Variants in CFAP221 observed in about 807,000 individuals in gnomAD.
CFAP221 encodes the protein cilia and flagella associated protein 221.
CFAP221 carries 97 observed loss-of-function variants against 113.1 expected under a neutral mutation model. The ratio of observed to expected loss-of-function variants is 0.86; its 90% CI spans 0.73 to 1.02. The LOEUF is 1.02. CFAP221 is among the 50% of genes least tolerant of loss of function. The probability of loss-of-function intolerance (pLI) is 0.00; values close to 1 mark genes in which losing one functional copy is unlikely to be tolerated. For missense variants in CFAP221, 1,025 were observed against 1,013.4 expected (o/e 1.01, Z -0.16); for synonymous variants, 331 against 354.4 (o/e 0.93, Z 0.74).
chr2:119,621,151 G>C (rs1227776775), intron 14 of CFAP221, among the ~76,000 whole-genome samples: 1 of 151,864 alleles, frequency 6.6e-6, no homozygotes, highest in Non-Finnish European at 1.5e-5. Flanking sequence ...CTTGAACCCG[G>C]GAGGCGGAGA....
At chr2:119,547,212 G>A (rs1273247106) in intron 2 of CFAP221, among the ~76,000 whole-genome samples, 1 of 152,158 alleles carries the variant, frequency 6.6e-6, no homozygotes, top group Non-Finnish European at 1.5e-5. Context: ...GAAGAAAAAT[G>A]CCAGTTTTAT....
intron 1 of CFAP221, among the ~76,000 whole-genome samples, chr2:119,545,560 C>T (rs947077219): frequency 7.9e-5 from 12 of 152,202 alleles, no homozygotes; most frequent in African/African-American, 2.7e-4. Flanking sequence ...CTCCTCATCA[C>T]CCCCTCCTCA....
chr2:119,620,981 T>C (rs1440860099), intron 14 of CFAP221, among the ~76,000 whole-genome samples: 1 of 146,014 alleles, frequency 6.8e-6, no homozygotes, highest in East Asian at 2.1e-4. Context: ...TCCCAGCACA[T>C]TGGGAGGTCA....
chr2:119,590,184 T>C (rs1683503310), intron 7 of CFAP221: 1 of 152,222 alleles, frequency 6.6e-6, no homozygotes, highest in Non-Finnish European at 1.5e-5. Context: ...CTTAGAGTTC[T>C]TATATAAAGT....
intron 12 of CFAP221, among the ~76,000 whole-genome samples, chr2:119,609,319 CAT>C (rs1397314991): frequency 6.6e-6 from 1 of 152,204 alleles, no homozygotes; most frequent in Non-Finnish European, 1.5e-5. Context: ...AGAATGATCA[CAT>C]ATTATATTAA....
chr2:119,586,958 T>A, intron 6 of CFAP221, 161 bp from the exon 7 acceptor site: 1 of 498,362 alleles, frequency 2.0e-6, no homozygotes, highest in South Asian at 3.7e-5. Flanking sequence ...AGTTAATACA[T>A]GGGAAATGCA....
intron 2 of CFAP221, among the ~76,000 whole-genome samples, chr2:119,547,289 G>GT (rs1431304956): frequency 6.6e-6 from 1 of 152,174 alleles, no homozygotes; most frequent in Non-Finnish European, 1.5e-5. Flanking sequence ...GCCAGGTGCG[G>GT]TGGCTCACTC....
At chr2:119,544,999 G>A (rs966279605) in intron 1 of CFAP221, 1 of 152,186 alleles carries the variant, frequency 6.6e-6, no homozygotes, top group Non-Finnish European at 1.5e-5. Context: ...GTGAGGAGGG[G>A]GCCATGCAGC....
chr2:119,587,304 T>C (rs1462071586), intron 7 of CFAP221, 82 bp downstream of exon 7: 4 of 957,902 alleles, frequency 4.2e-6, no homozygotes, highest in Non-Finnish European at 5.9e-6. Context: ...ATATCAGTGA[T>C]GAATTTTACA....
At chr2:119,618,089 C>T (rs949859886) in intron 14 of CFAP221, among the ~76,000 whole-genome samples, 5 of 152,164 alleles carry the variant, frequency 3.3e-5, no homozygotes, top group African/African-American at 1.2e-4. Context: ...GCATTATCCT[C>T]TTATTTTCTT....
In CFAP221 at chr2:119,610,385, G is replaced by A. The variant is rs142771432; in HGVS notation, c.1222-1268G>A. ...TGTGGTGGAAACAAAGAGGAGAAAT[G>A]GTGGGGGAAGGAAGGAGATGGCCTG... is the stretch of plus-strand genomic sequence containing the variant. On this transcript the variant is annotated intron_variant, in intron 12 of 23. Transcript: ENST00000413369. Among the ~76,000 whole-genome samples the A allele has an allele frequency of 2.5e-3, 386 of 152,318 alleles. 2 individuals carry two copies. Among genetic ancestry groups the A allele is most frequent in the African/African-American group, 8.9e-3 (370 of 41,572 alleles).
intron 8 of CFAP221, among the ~76,000 whole-genome samples, chr2:119,603,592 T>C (rs1189986996): frequency 6.6e-6 from 1 of 152,246 alleles, no homozygotes; most frequent in Non-Finnish European, 1.5e-5. Context: ...AATGTTCACC[T>C]ATTTTTATCT....
At chr2:119,558,231 C>T (rs954937476) in intron 3 of CFAP221, among the ~76,000 whole-genome samples, 4 of 152,142 alleles carry the variant, frequency 2.6e-5, no homozygotes, top group African/African-American at 7.2e-5. Context: ...TGAGTGGCCC[C>T]TCTCCATCCT....
At chr2:119,562,481 C>T (rs1006648598) in intron 6 of CFAP221, among the ~76,000 whole-genome samples, 4 of 152,114 alleles carry the variant, frequency 2.6e-5, no homozygotes, top group African/African-American at 7.2e-5. Context: ...GCAAGACAGC[C>T]TCCAGTAGCT....
Position 119,630,589 on chromosome 2 carries a change from T to C in CFAP221, c.1751T>C (p.Ile584Thr), listed in dbSNP as rs776104763. 3.1e-6 allele frequency: 5 copies of C among 1,612,088 alleles called. No individual in the cohort carries two copies. The East Asian group carries it at 8.9e-5, about 29-fold the overall frequency. ...FNLQVPQLYK[I>T]KRYQPFSVHK... The stretch of plus-strand genomic sequence containing the variant: ...CTTCAGGTTCCTCAACTGTACAAAA[T>C]TAAGAGATATCAGCCATTCTCTGTC... The change falls in exon 18 of 24, where the codon ATT becomes ACT. Residue 584 changes from isoleucine (I) to threonine (T), a missense_variant. Physicochemically the swap from Ile to Thr is moderately conservative, Grantham distance 89. Coordinates refer to ENST00000413369, the MANE Select transcript of CFAP221 (RefSeq NM_001271049.2).
intron 3 of CFAP221, among the ~76,000 whole-genome samples, chr2:119,553,919 G>A (rs1169195998): frequency 6.6e-6 from 1 of 152,084 alleles, no homozygotes; most frequent in African/African-American, 2.4e-5. Context: ...GAGTTGTGAG[G>A]TTATTAGAAG....
At chr2:119,574,598 T>G (rs936165603) in intron 6 of CFAP221, among the ~76,000 whole-genome samples, 1 of 152,156 alleles carries the variant, frequency 6.6e-6, no homozygotes, top group African/African-American at 2.4e-5. Context: ...CTTGCCTGAT[T>G]AATACAGCTG....
intron 7 of CFAP221, among the ~76,000 whole-genome samples, chr2:119,587,820 G>T (rs1156503584): frequency 6.6e-6 from 1 of 152,124 alleles, no homozygotes; most frequent in Non-Finnish European, 1.5e-5. Flanking sequence ...TTGCTAAAAT[G>T]GTTTTAAGTC....
intron 22 of CFAP221, 80 bp downstream of exon 22, chr2:119,647,130 G>A: frequency 1.8e-6 from 2 of 1,091,228 alleles, no homozygotes; most frequent in Non-Finnish European, 1.4e-6. Context: ...AGGAACTTCA[G>A]AATAGCACAC....
Sources: allele counts gnomAD v4.1 joint callset (sites outside exome capture counted in the v4.1 genomes callset), GRCh38; gene constraint gnomAD v4.1.1; transcripts MANE v1.5; gene names NCBI Gene and HGNC (gene_info 2026-07-23, HGNC 2026-07-21).